AGO2: variants seen among roughly 807,000 people sequenced by gnomAD.
AGO2 encodes protein argonaute-2.
In AGO2, 5 loss-of-function variants were observed where a neutral mutation model predicts 102.3. The ratio of observed to expected loss-of-function variants is 0.05; its 90% CI spans 0.03 to 0.10. The LOEUF is 0.10. AGO2 is among the 10% of genes least tolerant of loss of function. The pLI, the probability that AGO2 is intolerant of heterozygous loss-of-function variation, is 1.00. For synonymous variants in AGO2, 449 were observed against 473.1 expected (o/e 0.95, Z 0.66); for missense variants, 541 against 1,183.7 (o/e 0.46, Z 7.97).
At chr8:140,534,491 C>T (rs182821837) in intron 17 of AGO2, among the ~76,000 whole-genome samples, 4 of 152,344 alleles carry the variant, frequency 2.6e-5, no homozygotes, top group African/African-American at 4.8e-5. Flanking sequence ...AAACCCTGCA[C>T]GCACTCCATC....
chr8:140,590,569 G>A (rs1167756249), intron 1 of AGO2, among the ~76,000 whole-genome samples: 1 of 152,214 alleles, frequency 6.6e-6, no homozygotes, highest in Non-Finnish European at 1.5e-5. Context: ...ATGCCCCACG[G>A]TGGAAGGGAG....
intron 17 of AGO2, among the ~76,000 whole-genome samples, chr8:140,533,311 C>A (rs2072635477): frequency 6.7e-6 from 1 of 150,048 alleles, no homozygotes. Flanking sequence ...ATGGCATGAA[C>A]CTGGGAGGCA....
chr8:140,588,518 C>T lies in AGO2; in HGVS notation c.23-3207G>A, dbSNP rs555381891. Reference sequence around the variant, plus strand: ...TGAGCACATGTTACTGGAAGAATGGCGCCAAAAGAGTTCCTCAGGCTACTA... The same window carrying T: ...TGAGCACATGTTACTGGAAGAATGGTGCCAAAAGAGTTCCTCAGGCTACTA... On this transcript the variant is annotated intron_variant, in intron 1 of 18. Transcript: ENST00000220592. Among the ~76,000 whole-genome samples, 12 of 142,762 alleles carry T rather than the reference C, an allele frequency of 8.4e-5. No individual in the cohort carries two copies. The East Asian group carries it at 1.0e-3, about 12-fold the overall frequency. 93.7% of individuals were successfully genotyped at this position (142,762 alleles called of 152,430 possible). A position where few individuals can be genotyped will look rare whatever the true frequency, so the allele number is the denominator to read the frequency against.
intron 3 of AGO2, among the ~76,000 whole-genome samples, chr8:140,566,602 CT>C (rs71504806): frequency 0.17 from 22,797 of 136,888 alleles, 1,764 homozygotes; most frequent in East Asian, 0.29. Context: ...CCTTTACTTT[CT>C]TTTTTTTTTT....
chr8:140,559,506 C>T lies in AGO2; in HGVS notation c.679G>A (p.Ala227Thr). 6.2e-7 allele frequency: 1 copy of T among 1,614,220 alleles called. No individual in the cohort carries two copies. Among genetic ancestry groups the T allele is most frequent in the Non-Finnish European group, 8.5e-7 (1 of 1,180,032 alleles). Residue 227 changes from alanine (A) to threonine (T), a missense_variant, in exon 6 of 19, where the codon GCA becomes ACA. Around this residue, in one of 6 missense-constraint regions of AGO2, gnomAD observed 21 missense variants for 105.0 expected, o/e 0.20. Transcript: ENST00000220592. The part of the protein sequence containing the change: ...IDVSATAFYK[A>T]QPVIEFVCEV... ...CAAACAAACTCGATTACTGGCTGTG[C>T]CTTGTAAAACGCTGTTGCTGACACT...
rs529700689 is a variant in AGO2, at chr8:140,541,445, C to T, written c.1840-87G>A. On this transcript the variant is annotated intron_variant, in intron 14 of 18. Transcript: ENST00000220592. ...GCCTGGACTCTCGGGAAGATGGGGA[C>T]GAGAAGTGTCCCCACCCTGGAACTC... The T allele has an allele frequency of 4.5e-3, 5,755 of 1,278,588 alleles. 23 individuals carry two copies. Among genetic ancestry groups the T allele is most frequent in the South Asian group, 5.6e-3 (368 of 65,256 alleles). 79.2% of individuals were successfully genotyped at this position (1,278,588 alleles called of 1,614,324 possible).
At chr8:140,616,368 C>T (rs913967860) in intron 1 of AGO2, among the ~76,000 whole-genome samples, 3 of 152,220 alleles carry the variant, frequency 2.0e-5, no homozygotes, top group Non-Finnish European at 4.4e-5. Flanking sequence ...GAAGATTTGC[C>T]ATGCATTAAT....
At chr8:140,599,105 A>G (rs1282580716) in intron 1 of AGO2, among the ~76,000 whole-genome samples, 1 of 152,136 alleles carries the variant, frequency 6.6e-6, no homozygotes, top group Admixed American at 6.5e-5. Context: ...CACCACTCAC[A>G]ATGCCCAGCA....
rs577135806 is a variant in AGO2 at position 140,629,566 on chromosome 8, G to A, written c.22+5919C>T. ...AAGATGAAAAAGGAGGGGGCCGGGC[G>A]CAGTGGCTCACACTTGTAACCCCAG... is the stretch of plus-strand genomic sequence containing the variant. On this transcript the variant is annotated intron_variant, in intron 1 of 18. Coordinates refer to ENST00000220592, the MANE Select transcript of AGO2 (RefSeq NM_012154.5). 2.5e-3 allele frequency among the ~76,000 whole-genome samples: 385 copies of A among 152,184 alleles called. 2 individuals are homozygous for A. The highest frequency in any genetic ancestry group is 8.8e-3 in the African/African-American group (366 of 41,500).
intron 1 of AGO2, among the ~76,000 whole-genome samples, chr8:140,623,827 G>A (rs555727824): frequency 4.1e-4 from 63 of 152,278 alleles, no homozygotes; most frequent in African/African-American, 1.2e-3. Flanking sequence ...GGGCGGGATG[G>A]CTGCAGAACT....
In AGO2 at chr8:140,526,370, T is replaced by C. The variant is rs1285956831; in HGVS notation, c.*5674A>G. 1 of 152,228 alleles carries C rather than the reference T, an allele frequency of 6.6e-6. No individual in the cohort carries two copies. The highest frequency in any genetic ancestry group is 1.5e-5 in the Non-Finnish European group (1 of 68,034). 9.4% of individuals were successfully genotyped at this position (152,228 alleles called of 1,614,324 possible). Reference sequence around the variant, plus strand: ...CAGCCTGAAGGATGGCATGCCGTTATGCCGTCCCGTGCAGAGAACCCTCCC... The same window carrying C: ...CAGCCTGAAGGATGGCATGCCGTTACGCCGTCCCGTGCAGAGAACCCTCCC... On this transcript the variant is annotated 3_prime_UTR_variant, in exon 19 of 19. Transcript: ENST00000220592. This position sits in a 1 kb window ranked among gnomAD's most constrained non-coding sequence, Gnocchi z 5.2.
chr8:140,557,281 C>T lies in AGO2; in HGVS notation c.879-45G>A. 1 of 1,563,910 alleles carries T rather than the reference C, an allele frequency of 6.4e-7. No individual in the cohort carries two copies. The highest frequency in any genetic ancestry group is 8.7e-7 in the Non-Finnish European group (1 of 1,154,238). On this transcript the variant is annotated intron_variant, in intron 7 of 18. Coordinates refer to ENST00000220592, the MANE Select transcript of AGO2 (RefSeq NM_012154.5). This position sits in a 1 kb window ranked among gnomAD's most constrained non-coding sequence, Gnocchi z 5.9. ...TTCAGGCCGAGGGCATCCCGGAGCC[C>T]CTTCCCCTGCGCTGCTTTTCATTTG...
chr8:140,554,383 C>T (rs1391939223), intron 10 of AGO2, among the ~76,000 whole-genome samples: 5 of 152,208 alleles, frequency 3.3e-5, no homozygotes, highest in Non-Finnish European at 1.5e-5. Context: ...CAGACCCCCC[C>T]ACGTGATGGG....
intron 1 of AGO2, among the ~76,000 whole-genome samples, chr8:140,604,564 T>G (rs2073969649): frequency 6.6e-6 from 1 of 151,522 alleles, no homozygotes; most frequent in African/African-American, 2.4e-5. Flanking sequence ...CGGTGGCTCA[T>G]GCCTGTCATT....
rs1470466850 is a variant in AGO2, at chr8:140,631,533, T to C, written c.22+3952A>G. Among the ~76,000 whole-genome samples the C allele has an allele frequency of 7.6e-5, 11 of 145,322 alleles. No homozygotes were observed. In the East Asian group the frequency reaches 2.2e-3, roughly 29 times the overall value. ...GCCTGGGTGACAGAGCGAGACTCCG[T>C]CTCAAAAAAAAAAAAAAGAAAAAAA... On this transcript the variant is annotated intron_variant, in intron 1 of 18. Coordinates refer to ENST00000220592, the MANE Select transcript of AGO2 (RefSeq NM_012154.5).
chr8:140,557,651 G>A lies in AGO2; in HGVS notation c.879-415C>T, dbSNP rs1193775501. ...CAGGACGAGGAAAGCAGGCCAGGCCGGTTCCGGCCGCACGGTGACGGCAGG... is the reference window on the plus strand; with the variant it reads ...CAGGACGAGGAAAGCAGGCCAGGCCAGTTCCGGCCGCACGGTGACGGCAGG... On this transcript the variant is annotated intron_variant, in intron 7 of 18. Coordinates refer to ENST00000220592, the MANE Select transcript of AGO2 (RefSeq NM_012154.5). The surrounding 1 kb of genome is among the most constrained non-coding windows in gnomAD (Gnocchi z 5.9). 1.3e-5 allele frequency among the ~76,000 whole-genome samples: 2 copies of A among 152,236 alleles called. No individual in the cohort carries two copies. The highest frequency in any genetic ancestry group is 1.9e-4 in the East Asian group (1 of 5,196).
intron 4 of AGO2, among the ~76,000 whole-genome samples, chr8:140,561,982 C>T (rs2132945257): frequency 6.6e-6 from 1 of 152,314 alleles, no homozygotes; most frequent in Non-Finnish European, 1.5e-5. Flanking sequence ...TCCCCTACAC[C>T]CTCTCCCAGC....
At chr8:140,571,731 A>C (rs941471921) in intron 3 of AGO2, among the ~76,000 whole-genome samples, 5 of 152,294 alleles carry the variant, frequency 3.3e-5, no homozygotes, top group Admixed American at 3.3e-4. Context: ...TTTGCTTCTT[A>C]AAGTATGTGT....
At chr8:140,610,589 C>T (rs148893015) in intron 1 of AGO2, among the ~76,000 whole-genome samples, 204 of 152,328 alleles carry the variant, frequency 1.3e-3, no homozygotes, top group Middle Eastern at 6.8e-3. Context: ...TCCAACCCTC[C>T]GAAGACAGCG....
Sources: allele counts gnomAD v4.1 joint callset (sites outside exome capture counted in the v4.1 genomes callset), GRCh38; gene constraint gnomAD v4.1.1; regional missense constraint gnomAD v4.1.1; non-coding constraint Gnocchi (gnomAD v3.1); transcripts MANE v1.5; gene names NCBI Gene and HGNC (gene_info 2026-07-23, HGNC 2026-07-21).